Variants in NEDD9 observed in about 807,000 individuals in gnomAD.
The protein encoded by NEDD9 is neural precursor cell expressed, developmentally down-regulated 9, also known as enhancer of filamentation 1.
In NEDD9, 26 loss-of-function variants were observed where a neutral mutation model predicts 76.6. The observed-to-expected ratio is 0.34, with a 90% CI of 0.25 to 0.47. The LOEUF is 0.47. NEDD9 is among the 20% of genes least tolerant of loss of function. The pLI, the probability that NEDD9 is intolerant of heterozygous loss-of-function variation, is 1.00. For missense variants in NEDD9, 937 were observed against 1,058.5 expected, an observed-to-expected ratio of 0.89 and a Z score of 1.59; for synonymous variants, 392 against 414.2, an observed-to-expected ratio of 0.95 and a Z score of 0.65.
chr6:11,197,911 A>C lies in NEDD9; in HGVS notation c.460-4219T>G, dbSNP rs1454603459. 5.3e-5 allele frequency among the ~76,000 whole-genome samples: 8 copies of C among 152,304 alleles called. No individual in the cohort carries two copies. In the East Asian group the frequency reaches 1.5e-3, roughly 29 times the overall value. On this transcript the variant is annotated intron_variant, in intron 2 of 6. Coordinates refer to ENST00000379446, the MANE Select transcript of NEDD9 (RefSeq NM_006403.4). ...AGAGAGATAGGGAGGTCTGAGAACC[A>C]GCATGATGACAGTCAGCAAGTTGGA...
chr6:11,261,762 T>C (rs369672463), intron 3 of NEDD9, among the ~76,000 whole-genome samples: 44 of 152,198 alleles, frequency 2.9e-4, no homozygotes, highest in African/African-American at 1.0e-3. Flanking sequence ...TGTTTTTACC[T>C]TATTTTCTCT....
Position 11,198,336 on chromosome 6 carries a change from T to C in NEDD9, c.460-4644A>G. On this transcript the variant is annotated intron_variant, in intron 2 of 6. Coordinates refer to ENST00000379446, the MANE Select transcript of NEDD9 (RefSeq NM_006403.4). This position sits in a 1 kb window ranked among gnomAD's most constrained non-coding sequence, Gnocchi z 4.7. ...TTCTGAAGGCAGGGCCCCCAGGCTCTGCACCAACTCCCTCCCTCGGCGAGA... is the reference window on the plus strand; with the variant it reads ...TTCTGAAGGCAGGGCCCCCAGGCTCCGCACCAACTCCCTCCCTCGGCGAGA... 6.6e-6 allele frequency: 1 copy of C among 152,376 alleles called. No homozygotes were observed. Among genetic ancestry groups the C allele is most frequent in the Non-Finnish European group, 1.5e-5 (1 of 68,064 alleles). 9.4% of individuals were successfully genotyped at this position (152,376 alleles called of 1,614,324 possible).
intron 2 of NEDD9, chr6:11,200,348 T>C (rs1396208516): frequency 1.4e-5 from 7 of 489,124 alleles, no homozygotes; most frequent in East Asian, 1.4e-4. Flanking sequence ...CCTATGAGGC[T>C]GGCAGAAGGA....
intron 2 of NEDD9, among the ~76,000 whole-genome samples, chr6:11,309,119 T>A (rs963840349): frequency 3.9e-5 from 6 of 152,216 alleles, no homozygotes; most frequent in African/African-American, 1.4e-4. Context: ...TACAATAAAG[T>A]GACTTCCCCT....
At chr6:11,261,691 A>T (rs1760119003) in intron 3 of NEDD9, among the ~76,000 whole-genome samples, 1 of 152,210 alleles carries the variant, frequency 6.6e-6, no homozygotes, top group African/African-American at 2.4e-5. Flanking sequence ...AATCAGAGAG[A>T]TTATATGGAT....
chr6:11,336,459 T>G (rs565228898), intron 1 of NEDD9, among the ~76,000 whole-genome samples: 110 of 152,336 alleles, frequency 7.2e-4, no homozygotes, highest in African/African-American at 2.5e-3. Flanking sequence ...TAAGTATTTG[T>G]GTATGTAAAT....
chr6:11,372,936 A>G (rs185767324), intron 1 of NEDD9, among the ~76,000 whole-genome samples: 2 of 152,324 alleles, frequency 1.3e-5, no homozygotes, highest in East Asian at 3.9e-4. Flanking sequence ...TCTCAGTTCT[A>G]AACAACATAA....
intron 3 of NEDD9, chr6:11,305,124 A>G: frequency 7.8e-7 from 1 of 1,289,204 alleles, no homozygotes; most frequent in Non-Finnish European, 1.0e-6. Flanking sequence ...CGGTGCCCAG[A>G]GCTTTTTTAT....
intron 1 of NEDD9, among the ~76,000 whole-genome samples, chr6:11,219,551 G>A (rs1389954297): frequency 2.0e-5 from 3 of 152,190 alleles, no homozygotes; most frequent in Non-Finnish European, 2.9e-5. Flanking sequence ...GCCTGCATGC[G>A]CAAATGCATG....
At chr6:11,310,352 A>G (rs1346082799) in intron 2 of NEDD9, among the ~76,000 whole-genome samples, 1 of 151,420 alleles carries the variant, frequency 6.6e-6, no homozygotes, top group Non-Finnish European at 1.5e-5. Context: ...TCCCTACTTC[A>G]CCCTCCTCTT....
chr6:11,305,392 C>T (rs193008484), intron 3 of NEDD9: 13 of 284,644 alleles, frequency 4.6e-5, no homozygotes, highest in African/African-American at 2.2e-4. Context: ...TTGTGACCCT[C>T]AATGCCACTA....
Position 11,241,165 on chromosome 6 carries a change from G to A in NEDD9, c.13-27438C>T, listed in dbSNP as rs1020585905. The stretch of plus-strand genomic sequence containing the variant: ...GACTCTCATGGCTGAAATGAGAGTG[G>A]CCGTCTCCTCTTTCCGGAGGCACTG... On this transcript the variant is annotated intron_variant, in intron 3 of 3. Transcript: ENST00000397378. The surrounding 1 kb of genome is among the most constrained non-coding windows in gnomAD (Gnocchi z 4.0). Among the ~76,000 whole-genome samples, 3 of 152,202 alleles carry A rather than the reference G, an allele frequency of 2.0e-5. No individual in the cohort carries two copies. The highest frequency in any genetic ancestry group is 2.9e-5 in the Non-Finnish European group (2 of 68,042).
chr6:11,221,529 A>C (rs529874048), intron 1 of NEDD9, among the ~76,000 whole-genome samples: 1 of 152,300 alleles, frequency 6.6e-6, no homozygotes, highest in African/African-American at 2.4e-5. Context: ...ATTCTAACCC[A>C]ATCTCCTTAT....
At chr6:11,379,252 G>C (rs990441643) in intron 1 of NEDD9, among the ~76,000 whole-genome samples, 2 of 150,562 alleles carry the variant, frequency 1.3e-5, no homozygotes, top group Admixed American at 1.3e-4. Context: ...GCCATATTCT[G>C]TGTGCTGTCA....
intron 1 of NEDD9, among the ~76,000 whole-genome samples, chr6:11,373,990 C>A (rs1290185631): frequency 6.6e-6 from 1 of 152,082 alleles, no homozygotes; most frequent in Non-Finnish European, 1.5e-5. Context: ...GCCTGCCTTG[C>A]TGATTTTGGA....
chr6:11,281,996 C>T (rs1472817875), intron 3 of NEDD9, among the ~76,000 whole-genome samples: 1 of 152,122 alleles, frequency 6.6e-6, no homozygotes, highest in Non-Finnish European at 1.5e-5. Context: ...GCCTCGGCCT[C>T]CTAAAGTGCT....
intron 2 of NEDD9, among the ~76,000 whole-genome samples, chr6:11,314,670 A>G (rs1761492754): frequency 6.6e-6 from 1 of 152,092 alleles, no homozygotes. Flanking sequence ...CTAGTCTGAT[A>G]TCTGACCCAG....
chr6:11,355,367 A>G (rs1490944504), intron 1 of NEDD9, among the ~76,000 whole-genome samples: 1 of 152,222 alleles, frequency 6.6e-6, no homozygotes, highest in Admixed American at 6.5e-5. Context: ...AAAATTAAAA[A>G]CCAATAGTAA....
chr6:11,279,873 A>G (rs1760499461), intron 3 of NEDD9, among the ~76,000 whole-genome samples: 1 of 152,036 alleles, frequency 6.6e-6, no homozygotes, highest in South Asian at 2.1e-4. Flanking sequence ...GCGTTATCTT[A>G]CCTTGAAAAC....
Sources: allele counts gnomAD v4.1 joint callset (sites outside exome capture counted in the v4.1 genomes callset), GRCh38; gene constraint gnomAD v4.1.1; non-coding constraint Gnocchi (gnomAD v3.1); transcripts MANE v1.5; gene names NCBI Gene and HGNC (gene_info 2026-07-23, HGNC 2026-07-21).